The following ZC3H6 variants were observed in gnomAD, a reference collection of about 807,000 sequenced individuals.
ZC3H6 encodes the protein zinc finger CCCH-type containing 6.
In ZC3H6, 40 loss-of-function variants were observed where a neutral mutation model predicts 107.7. The ratio of observed to expected loss-of-function variants is 0.37; its 90% confidence interval spans 0.29 to 0.48. The LOEUF (loss-of-function observed/expected upper bound fraction) is 0.48. Ranked by LOEUF, ZC3H6 falls within the 20% of genes least tolerant of loss-of-function variation. ZC3H6 has a pLI of 0.98. For missense variants in ZC3H6, 1,267 were observed against 1,410.4 expected, an observed-to-expected ratio of 0.90 and a Z score of 1.63; for synonymous variants, 493 against 487.9, an observed-to-expected ratio of 1.01 and a Z score of -0.14.
At chr2:112,297,046 T>C (rs908319308) in intron 1 of ZC3H6, among the ~76,000 whole-genome samples, 8 of 152,176 alleles carry the variant, frequency 5.3e-5, no homozygotes, top group Non-Finnish European at 1.2e-4. Flanking sequence ...GAGCTGGGCA[T>C]TGAGAGATTT....
At chr2:112,308,391 G>GTATTT (rs1371108570) in intron 3 of ZC3H6, among the ~76,000 whole-genome samples, 83 of 142,700 alleles carry the variant, frequency 5.8e-4, no homozygotes, top group East Asian at 3.8e-3. Context: ...TGCCAGAGTA[G>GTATTT]TATTTTATTT....
chr2:112,317,140 A>G, intron 6 of ZC3H6, 81 bp from the exon 7 acceptor site: 2 of 732,604 alleles, frequency 2.7e-6, no homozygotes, highest in Non-Finnish European at 2.1e-6. Flanking sequence ...GACACCATGT[A>G]GAAAATTCAG....
rs369883266 is a variant in ZC3H6, at chr2:112,331,955, A to G, written c.3037A>G (p.Thr1013Ala). ...TTCATCACAGCCCTCAGGGGCAGGA[A>G]CTAGCAATTCTGGTTCCGGGGCTCT... ...PGSSQPSGAG[T>A]SNSGSGALPP... The change falls in exon 12 of 12, where the codon ACT (threonine) becomes GCT (alanine). Residue 1013 changes from threonine to alanine, a missense_variant. This residue lies in a region of ZC3H6 where 925 missense variants were observed against 1,025.7 expected (regional missense o/e 0.90). Transcript: ENST00000409871. The G allele has an allele frequency of 6.2e-7, 1 of 1,614,004 alleles. No individual in the cohort carries two copies. Among genetic ancestry groups the G allele is most frequent in the Non-Finnish European group, 8.5e-7 (1 of 1,179,896 alleles).
chr2:112,311,940 A>G lies in ZC3H6; in HGVS notation c.747+3A>G, dbSNP rs1382813429. On this transcript the variant is annotated splice_donor_region_variant and intron_variant, in intron 5 of 11. Transcript: ENST00000409871. ...CAGTATCGGATGACTTTCAAGAGGT[A>G]CTAAGAATTTATGTATAAGGAGGGG... is the stretch of plus-strand genomic sequence containing the variant. 5 of 1,607,772 alleles carry G rather than the reference A, an allele frequency of 3.1e-6. No individual in the cohort carries two copies. The highest frequency in any genetic ancestry group is 3.4e-6 in the Non-Finnish European group (4 of 1,177,094).
intron 1 of ZC3H6, among the ~76,000 whole-genome samples, chr2:112,276,379 C>T (rs1245569838): frequency 6.6e-6 from 1 of 151,782 alleles, no homozygotes; most frequent in Non-Finnish European, 1.5e-5. Flanking sequence ...TCGGTGCTCC[C>T]GGCCAGATAG....
chr2:112,290,194 CT>C lies in ZC3H6; in HGVS notation c.33-9654del, dbSNP rs1676084391. Among the ~76,000 whole-genome samples, 3 of 152,266 alleles carry C rather than the reference CT, an allele frequency of 2.0e-5. No homozygotes were observed. In the South Asian group the frequency reaches 6.2e-4, roughly 32 times the overall value. On this transcript the variant is annotated intron_variant, in intron 1 of 11. Coordinates refer to ENST00000409871, the MANE Select transcript of ZC3H6 (RefSeq NM_198581.3). ...GGTCTGCCCTGGTGACCACCATTTC[CT>C]GACAAACATTCAAATCACTCCTGAG...
At chr2:112,288,417 G>A (rs1686650813) in intron 1 of ZC3H6, among the ~76,000 whole-genome samples, 1 of 152,160 alleles carries the variant, frequency 6.6e-6, no homozygotes, top group Admixed American at 6.5e-5. Context: ...TTCGTTGAGG[G>A]CTATCTACTA....
chr2:112,305,398 G>GGA (rs1296285515), intron 3 of ZC3H6, among the ~76,000 whole-genome samples: 1 of 152,136 alleles, frequency 6.6e-6, no homozygotes, highest in Admixed American at 6.6e-5. Flanking sequence ...GGCCACTGTG[G>GGA]GAGGCAAGAT....
At chr2:112,290,653 T>C (rs1195706443) in intron 1 of ZC3H6, among the ~76,000 whole-genome samples, 3 of 64,826 alleles carry the variant, frequency 4.6e-5, no homozygotes, top group Non-Finnish European at 9.9e-5. Flanking sequence ...ATGAATGGCC[T>C]TTTTTTTTTT....
chr2:112,303,785 A>G (rs1676427950), intron 3 of ZC3H6, among the ~76,000 whole-genome samples: 1 of 152,136 alleles, frequency 6.6e-6, no homozygotes, highest in Non-Finnish European at 1.5e-5. Context: ...TTATCCATTC[A>G]TCTGTTGATG....
At position 112,316,529 on chromosome 2, in the gene ZC3H6, A is replaced by T; in HGVS notation, c.807A>T (p.Thr269=). 6.2e-7 allele frequency: 1 copy of T among 1,611,122 alleles called. No homozygotes were observed. The stretch of plus-strand genomic sequence containing the variant: ...CTCAGGAATTTATTAATCAGCACAC[A>T]GTGGAACACAAAGGAAAACAAATCT... The part of the protein sequence containing the change: ...VMTQEFINQH[T]VEHKGKQICK... Residue 269 remains threonine, a synonymous_variant, in exon 6 of 12, where the codon ACA becomes ACT. Transcript: ENST00000409871.
intron 7 of ZC3H6, among the ~76,000 whole-genome samples, chr2:112,320,701 T>G (rs1676785409): frequency 6.6e-6 from 1 of 152,182 alleles, no homozygotes; most frequent in Non-Finnish European, 1.5e-5. Flanking sequence ...TTCCATCTAT[T>G]CTTATGGGGT....
At position 112,333,620 on chromosome 2, in the gene ZC3H6, A is replaced by C. The variant is rs1677080726; in HGVS notation, c.*1132A>C. On this transcript the variant is annotated 3_prime_UTR_variant, in exon 12 of 12. Coordinates refer to ENST00000409871, the MANE Select transcript of ZC3H6 (RefSeq NM_198581.3). ...ATTTTATGAAAAATAACTTGTATTCATTCTTGTGTATTTATTACAATATAT... is the reference window on the plus strand; with the variant it reads ...ATTTTATGAAAAATAACTTGTATTCCTTCTTGTGTATTTATTACAATATAT... 6.6e-6 allele frequency: 1 copy of C among 152,120 alleles called. No homozygotes were observed. Among genetic ancestry groups the C allele is most frequent in the Non-Finnish European group, 1.5e-5 (1 of 67,962 alleles). 9.4% of individuals were successfully genotyped at this position (152,120 alleles called of 1,614,324 possible).
Position 112,321,795 on chromosome 2 carries a change from GT to G in ZC3H6, c.1018del (p.Tyr340ThrfsTer13). 1 of 1,550,166 alleles carries G rather than the reference GT, an allele frequency of 6.5e-7. No individual in the cohort carries two copies. The highest frequency in any genetic ancestry group is 1.3e-5 in the South Asian group (1 of 78,862). On this transcript the variant is annotated frameshift_variant, in exon 8 of 12. Transcript: ENST00000409871. LOFTEE classifies it high-confidence loss of function. ...PCKFYHSGAK[C>X]YQGDNCKFSH... ...AAGTTCTATCATAGTGGAGCAAAAT[GT>G]TACCAGGGAGACAACTGTAAATTTT...
intron 1 of ZC3H6, among the ~76,000 whole-genome samples, chr2:112,291,213 A>G (rs1676107300): frequency 1.3e-5 from 2 of 152,148 alleles, no homozygotes; most frequent in Non-Finnish European, 2.9e-5. Context: ...GATTATTTAC[A>G]TATTTTATAG....
chr2:112,304,176 CATT>C (rs1040406660), intron 3 of ZC3H6, among the ~76,000 whole-genome samples: 14 of 152,062 alleles, frequency 9.2e-5, no homozygotes, highest in African/African-American at 2.9e-4. Context: ...AGTGGCATCT[CATT>C]GTGGTTTTGA....
In ZC3H6 at chr2:112,338,104, A is replaced by C. The variant is rs543192485; in HGVS notation, c.*5616A>C. On this transcript the variant is annotated 3_prime_UTR_variant, in exon 12 of 12. Transcript: ENST00000409871. ...GCTGGGATTATAGGCATGCGCCACC[A>C]CAACCAGCTAATTTTTTATATTTTT... 1 of 152,112 alleles carries C rather than the reference A, an allele frequency of 6.6e-6. No individual in the cohort carries two copies. The highest frequency in any genetic ancestry group is 2.4e-5 in the African/African-American group (1 of 41,508). 9.4% of individuals were successfully genotyped at this position (152,112 alleles called of 1,614,324 possible). A position where few individuals can be genotyped will look rare whatever the true frequency, so the allele number is the denominator to read the frequency against.
At position 112,306,906 on chromosome 2, in the gene ZC3H6, G is replaced by A. The variant is rs192126652; in HGVS notation, c.337-2979G>A. 8.9e-4 allele frequency among the ~76,000 whole-genome samples: 136 copies of A among 152,248 alleles called. 1 individual carries two copies. The highest frequency in any genetic ancestry group is 4.3e-3 in the Admixed American group (66 of 15,286). The stretch of plus-strand genomic sequence containing the variant: ...TTCTTCCTGATGGGGTGATACTCTC[G>A]GAGCAAATGCAGCTCCAAATGCTGC... On this transcript the variant is annotated intron_variant, in intron 3 of 11. Transcript: ENST00000409871.
chr2:112,332,112 CT>C lies in ZC3H6; in HGVS notation c.3196del (p.Ser1066LeufsTer15). ...TCATCCACATCAGAGCTAGCAACAG[CT>C]TCTTCAGGAGAAAACTCAAAGAACC... ...GSSSTSELATASSGENSKNQK... is the reference protein window; with the variant it reads ...GSSSTSELATXSSGENSKNQK... On this transcript the variant is annotated frameshift_variant, in exon 12 of 12. Transcript: ENST00000409871. LOFTEE classifies it high-confidence loss of function. 6.2e-7 allele frequency: 1 copy of C among 1,613,978 alleles called. No individual in the cohort carries two copies. Among genetic ancestry groups the C allele is most frequent in the South Asian group, 1.1e-5 (1 of 91,072 alleles).
Sources: allele counts gnomAD v4.1 joint callset (sites outside exome capture counted in the v4.1 genomes callset), GRCh38; gene constraint gnomAD v4.1.1; regional missense constraint gnomAD v4.1.1; transcripts MANE v1.5; gene names NCBI Gene and HGNC (gene_info 2026-07-23, HGNC 2026-07-21).